Variants in CCBE1 observed in about 807,000 individuals in gnomAD.
The protein encoded by CCBE1 is collagen and calcium-binding EGF domain-containing protein 1.
In CCBE1, 37 loss-of-function variants were observed where a neutral mutation model predicts 50.0. The observed-to-expected ratio is 0.74, with a 90% CI of 0.57 to 0.97. The LOEUF (loss-of-function observed/expected upper bound fraction) is 0.97, where lower values mean the gene tolerates loss of function less well. Among genes scored for constraint, CCBE1 ranks in the 50% least tolerant of loss-of-function variants. The pLI, the probability that CCBE1 is intolerant of heterozygous loss-of-function variation, is 0.00. For synonymous variants in CCBE1, 234 were observed against 203.7 expected, an observed-to-expected ratio of 1.15 and a Z score of -1.27; for missense variants, 538 against 523.8, an observed-to-expected ratio of 1.03 and a Z score of -0.26.
chr18:59,567,018 A>C (rs1307274788), intron 2 of CCBE1, among the ~76,000 whole-genome samples: 2 of 152,182 alleles, frequency 1.3e-5, no homozygotes, highest in Non-Finnish European at 2.9e-5. Context: ...TTTCCCCTCT[A>C]TCTGTAAGCA....
intron 2 of CCBE1, chr18:59,563,783 T>C (rs1409524647): frequency 1.3e-5 from 2 of 152,206 alleles, no homozygotes; most frequent in Admixed American, 6.5e-5. Flanking sequence ...TCCAGAAATG[T>C]ACCAGAGTTG....
chr18:59,658,351 AAAAATATATATATATATATATATATAT>A (rs1568258421), intron 2 of CCBE1, among the ~76,000 whole-genome samples: 3 of 20,912 alleles, frequency 1.4e-4, no homozygotes, highest in African/African-American at 4.4e-4. Context: ...AAAAAAAAAA[AAAAATATATATATATATATATATATAT>A]ATATATATAT....
chr18:59,615,650 A>G (rs1038881413), intron 2 of CCBE1, among the ~76,000 whole-genome samples: 8 of 152,198 alleles, frequency 5.3e-5, no homozygotes, highest in South Asian at 4.1e-4. Context: ...CTTTATCAAT[A>G]TGATACTTGG....
chr18:59,567,460 A>G (rs1210068604), intron 2 of CCBE1, among the ~76,000 whole-genome samples: 1 of 152,180 alleles, frequency 6.6e-6, no homozygotes, highest in African/African-American at 2.4e-5. Flanking sequence ...ACTCTATTTC[A>G]TTAGACATTT....
intron 2 of CCBE1, among the ~76,000 whole-genome samples, chr18:59,642,358 G>A (rs1353749183): frequency 6.6e-6 from 1 of 152,138 alleles, no homozygotes; most frequent in Non-Finnish European, 1.5e-5. Context: ...GAAATAATGG[G>A]AGTCTTCTTC....
At chr18:59,517,516 T>G (rs1568182638) in intron 2 of CCBE1, among the ~76,000 whole-genome samples, 1 of 152,238 alleles carries the variant, frequency 6.6e-6, no homozygotes, top group African/African-American at 2.4e-5. Flanking sequence ...TACATAAATG[T>G]AAGTACAGCT....
intron 2 of CCBE1, among the ~76,000 whole-genome samples, chr18:59,524,118 C>T (rs28670265): frequency 0.075 from 11,474 of 152,048 alleles, 727 homozygotes; most frequent in East Asian, 0.23. Flanking sequence ...GTCAGGAGTT[C>T]GAGACCAGCC....
At chr18:59,510,513 C>A (rs1037486401) in intron 2 of CCBE1, among the ~76,000 whole-genome samples, 4 of 152,106 alleles carry the variant, frequency 2.6e-5, no homozygotes, top group Non-Finnish European at 5.9e-5. Flanking sequence ...CCTCTGCCTC[C>A]CAGGTTCAAG....
intron 3 of CCBE1, among the ~76,000 whole-genome samples, chr18:59,479,025 G>A (rs963979063): frequency 2.2e-4 from 34 of 152,138 alleles, no homozygotes; most frequent in African/African-American, 7.5e-4. Flanking sequence ...AGAAAACAGC[G>A]ATAAATGGGA....
chr18:59,549,404 C>A (rs910310087), intron 2 of CCBE1, among the ~76,000 whole-genome samples: 1 of 152,174 alleles, frequency 6.6e-6, no homozygotes, highest in South Asian at 2.1e-4. Context: ...CAAATGAGCA[C>A]CCCACCAAGG....
At chr18:59,529,868 T>C (rs1438163129) in intron 2 of CCBE1, among the ~76,000 whole-genome samples, 4 of 152,182 alleles carry the variant, frequency 2.6e-5, no homozygotes, top group Non-Finnish European at 4.4e-5. Context: ...TATGGATCTT[T>C]TGGAAAAAAC....
intron 2 of CCBE1, among the ~76,000 whole-genome samples, chr18:59,640,706 A>G (rs2053975731): frequency 6.6e-6 from 1 of 152,204 alleles, no homozygotes; most frequent in African/African-American, 2.4e-5. Context: ...CAGACAACTT[A>G]CAACATGGGA....
chr18:59,457,000 G>C (rs1911224371), intron 5 of CCBE1, among the ~76,000 whole-genome samples: 1 of 152,226 alleles, frequency 6.6e-6, no homozygotes. Context: ...ATGATGCCAT[G>C]CTGTGTAGTT....
intron 2 of CCBE1, among the ~76,000 whole-genome samples, chr18:59,506,397 T>C (rs1448621885): frequency 1.3e-5 from 2 of 152,178 alleles, no homozygotes; most frequent in African/African-American, 4.8e-5. Flanking sequence ...TTTGTTATTT[T>C]AAGTCACTCA....
chr18:59,584,197 G>T (rs1490633016), intron 2 of CCBE1, among the ~76,000 whole-genome samples: 1 of 152,104 alleles, frequency 6.6e-6, no homozygotes, highest in East Asian at 1.9e-4. Flanking sequence ...CATGTCCTTT[G>T]TAGGGACATG....
At chr18:59,450,430 A>G (rs1277354067) in intron 6 of CCBE1, among the ~76,000 whole-genome samples, 4 of 152,188 alleles carry the variant, frequency 2.6e-5, no homozygotes, top group Non-Finnish European at 5.9e-5. Context: ...TAACTTACCG[A>G]GAGTCACACA....
intron 2 of CCBE1, among the ~76,000 whole-genome samples, chr18:59,530,469 C>G (rs1490317619): frequency 1.3e-5 from 2 of 152,196 alleles, no homozygotes; most frequent in East Asian, 3.8e-4. Flanking sequence ...TCTCCTCCTG[C>G]CTTCTTGAAC....
intron 2 of CCBE1, among the ~76,000 whole-genome samples, chr18:59,529,220 G>T (rs530230076): frequency 1.3e-5 from 2 of 152,342 alleles, no homozygotes; most frequent in South Asian, 4.1e-4. Context: ...ATGGGTCAGG[G>T]TCCAGCCCAA....
intron 2 of CCBE1, among the ~76,000 whole-genome samples, chr18:59,669,356 T>C (rs760963383): frequency 2.0e-5 from 3 of 152,186 alleles, no homozygotes; most frequent in Admixed American, 6.5e-5. Flanking sequence ...TCTAACCTAC[T>C]CCCACCAGCC....
Sources: allele counts gnomAD v4.1 joint callset (sites outside exome capture counted in the v4.1 genomes callset), GRCh38; gene constraint gnomAD v4.1.1; transcripts MANE v1.5; gene names NCBI Gene and HGNC (gene_info 2026-07-23, HGNC 2026-07-21).